The following DPYD variants were observed in gnomAD, a reference collection of about 807,000 sequenced individuals.
DPYD encodes dihydropyrimidine dehydrogenase, also known as dihydropyrimidine dehydrogenase [NADP(+)].
A neutral mutation model predicts 116.2 loss-of-function variants in DPYD; 109 were observed. The observed-to-expected ratio is 0.94, with a 90% CI of 0.80 to 1.10. The LOEUF is 1.10. Ranked by LOEUF, DPYD falls within the 50% of genes least tolerant of loss-of-function variation. The pLI, the probability that DPYD is intolerant of heterozygous loss-of-function variation, is 0.00. For synonymous variants in DPYD, 440 were observed against 432.0 expected, an observed-to-expected ratio of 1.02 and a Z score of -0.23; for missense variants, 1,302 against 1,254.5, an observed-to-expected ratio of 1.04 and a Z score of -0.57.
In DPYD at chr1:97,319,563, C is replaced by T. The variant is rs1280230597; in HGVS notation, c.2059-13266G>A. Among the ~76,000 whole-genome samples, 3 of 139,758 alleles carry T rather than the reference C, an allele frequency of 2.1e-5. No homozygotes were observed. The East Asian group carries it at 6.3e-4, about 29-fold the overall frequency. 91.7% of individuals were successfully genotyped at this position (139,758 alleles called of 152,430 possible). On this transcript the variant is annotated intron_variant, in intron 16 of 22. Coordinates refer to ENST00000370192, the MANE Select transcript of DPYD (RefSeq NM_000110.4). ...GTTGAATCTCTGAATAGACCAATAA[C>T]AGGCTCTGAAATTGTGGCAATAATC...
intron 15 of DPYD, among the ~76,000 whole-genome samples, chr1:97,378,591 A>C (rs981387668): frequency 4.1e-4 from 62 of 152,178 alleles, no homozygotes; most frequent in Non-Finnish European, 7.8e-4. Flanking sequence ...TGGATTTTAA[A>C]CACTTCAAGT....
intron 1 of DPYD, among the ~76,000 whole-genome samples, chr1:97,886,508 G>T (rs375791369): frequency 3.9e-5 from 6 of 152,050 alleles, no homozygotes; most frequent in Admixed American, 3.3e-4. Context: ...TTGCACACAA[G>T]GAAGAGCAAG....
rs291592 is a variant in DPYD, at chr1:97,078,208, C to T, written c.*768G>A. The T allele has an allele frequency of 0.45, 68,929 of 152,410 alleles. 17,089 individuals are homozygous for T. The highest frequency in any genetic ancestry group is 0.97 in the East Asian group (5,007 of 5,158). The allele number at this position is 152,410 out of a possible 1,614,324, so 9.4% of individuals were successfully genotyped here. On this transcript the variant is annotated 3_prime_UTR_variant, in exon 23 of 23. Coordinates refer to ENST00000370192, the MANE Select transcript of DPYD (RefSeq NM_000110.4). ...CCAGTCAGAGCCCGTATGTGCACAG[C>T]AAAAGAGTGGTAACCAGGATCTATC...
At chr1:97,446,298 T>C (rs963655311) in intron 14 of DPYD, among the ~76,000 whole-genome samples, 2 of 152,214 alleles carry the variant, frequency 1.3e-5, no homozygotes, top group East Asian at 1.9e-4. Context: ...AATTTTGTTT[T>C]ATGCCTTCAA....
At chr1:97,478,111 G>C (rs1036560725) in intron 13 of DPYD, among the ~76,000 whole-genome samples, 1 of 152,090 alleles carries the variant, frequency 6.6e-6, no homozygotes, top group Non-Finnish European at 1.5e-5. Context: ...TAATCTCCTT[G>C]TACATCTCCT....
intron 20 of DPYD, among the ~76,000 whole-genome samples, chr1:97,184,322 G>T (rs375891718): frequency 6.6e-6 from 1 of 151,794 alleles, no homozygotes; most frequent in East Asian, 1.9e-4. Flanking sequence ...TCTTTTTTTT[G>T]CTCTTTGAGG....
At chr1:97,733,851 G>C (rs1663769366) in intron 4 of DPYD, among the ~76,000 whole-genome samples, 1 of 151,964 alleles carries the variant, frequency 6.6e-6, no homozygotes, top group Admixed American at 6.6e-5. Flanking sequence ...TTTGATGAGA[G>C]AAAACTGGTA....
chr1:97,774,433 C>T lies in DPYD; in HGVS notation c.234-33954G>A, dbSNP rs995024774. On this transcript the variant is annotated intron_variant, in intron 3 of 22. Coordinates refer to ENST00000370192, the MANE Select transcript of DPYD (RefSeq NM_000110.4). ...TTCCTTTATGATATTAAGAGTTTTG[C>T]TAGAGGCTGTGGCAATGTTACTAGG... 3.3e-5 allele frequency among the ~76,000 whole-genome samples: 5 copies of T among 152,112 alleles called. No individual in the cohort carries two copies. In the South Asian group the frequency reaches 1.0e-3, roughly 31 times the overall value.
chr1:97,330,647 G>C (rs1378760918), intron 16 of DPYD, among the ~76,000 whole-genome samples: 1 of 152,170 alleles, frequency 6.6e-6, no homozygotes, highest in Non-Finnish European at 1.5e-5. Flanking sequence ...AAGGGATGAG[G>C]GGGTAGAGAG....
chr1:97,203,793 C>CAAAAAAAA (rs56819543), intron 19 of DPYD, among the ~76,000 whole-genome samples: 35 of 65,700 alleles, frequency 5.3e-4, no homozygotes, highest in Non-Finnish European at 7.1e-4. Flanking sequence ...ATTCACATTC[C>CAAAAAAAA]AAAAAAAAAA....
At position 97,323,540 on chromosome 1, in the gene DPYD, C is replaced by CAT. The variant is rs1185302558; in HGVS notation, c.2059-17245_2059-17244dup. 1.0e-3 allele frequency among the ~76,000 whole-genome samples: 114 copies of CAT among 110,596 alleles called. 7 individuals carry two copies. Among genetic ancestry groups the CAT allele is most frequent in the African/African-American group, 3.6e-3 (108 of 30,136 alleles). The allele number at this position is 110,596 out of a possible 152,430, so 72.6% of individuals were successfully genotyped here. On this transcript the variant is annotated intron_variant, in intron 16 of 22. Transcript: ENST00000370192. ...TATATATACACATATATATACATAT[C>CAT]ATATATATACATATATGTGTATATA...
chr1:97,864,662 A>C (rs2101601180), intron 2 of DPYD, among the ~76,000 whole-genome samples: 1 of 152,060 alleles, frequency 6.6e-6, no homozygotes, highest in African/African-American at 2.4e-5. Flanking sequence ...TGGCGACTCG[A>C]GAAGCTGTTC....
intron 16 of DPYD, among the ~76,000 whole-genome samples, chr1:97,317,295 T>C (rs1206151154): frequency 1.3e-5 from 2 of 152,006 alleles, no homozygotes; most frequent in Non-Finnish European, 2.9e-5. Flanking sequence ...CACATTTTCC[T>C]GATACCACCA....
At chr1:97,781,387 G>A (rs929167409) in intron 3 of DPYD, among the ~76,000 whole-genome samples, 1 of 152,030 alleles carries the variant, frequency 6.6e-6, no homozygotes, top group African/African-American at 2.4e-5. Context: ...GATGCCCCAG[G>A]GAATGTTTTG....
chr1:97,168,998 C>A (rs548527788), intron 20 of DPYD, among the ~76,000 whole-genome samples: 1 of 152,016 alleles, frequency 6.6e-6, no homozygotes, highest in South Asian at 2.1e-4. Context: ...AGGCACCCAC[C>A]ACCATGCCCA....
intron 5 of DPYD, among the ~76,000 whole-genome samples, chr1:97,703,301 C>G (rs1661714553): frequency 6.6e-6 from 1 of 151,950 alleles, no homozygotes; most frequent in African/African-American, 2.4e-5. Context: ...AAACGAGACT[C>G]TTGGGGTTGA....
At chr1:97,185,132 A>G in intron 20 of DPYD, among the ~76,000 whole-genome samples, 1 of 152,174 alleles carries the variant, frequency 6.6e-6, no homozygotes, top group East Asian at 1.9e-4. Context: ...AGAATGATTA[A>G]GAACTCCAAG....
rs74105296 is a variant in DPYD at position 97,742,576 on chromosome 1, T to C, written c.234-2097A>G. Among the ~76,000 whole-genome samples, 548 of 152,268 alleles carry C rather than the reference T, an allele frequency of 3.6e-3. 3 individuals carry two copies. Among genetic ancestry groups the C allele is most frequent in the African/African-American group, 0.013 (531 of 41,574 alleles). On this transcript the variant is annotated intron_variant, in intron 3 of 22. Transcript: ENST00000370192. ...TTAACGTTTTTTCCCCGAAACACTA[T>C]TGTTGAGTTCAAAAATAATTTCTTC...
chr1:97,512,634 G>C (rs780336030), intron 13 of DPYD, among the ~76,000 whole-genome samples: 1 of 151,786 alleles, frequency 6.6e-6, no homozygotes, highest in Non-Finnish European at 1.5e-5. Context: ...GTGAACACAG[G>C]TCAAGGGGTT....
Sources: gnomAD v4.1 joint callset for allele counts (sites outside exome capture counted in the v4.1 genomes callset) on GRCh38, gnomAD v4.1.1 for gene constraint, MANE v1.5 for transcripts, NCBI Gene and HGNC (gene_info 2026-07-23, HGNC 2026-07-21) for gene names.